The following CORO7 variants were observed in gnomAD, a reference collection of about 807,000 sequenced individuals.
CORO7 encodes coronin-7.
A neutral mutation model predicts 126.6 loss-of-function variants in CORO7; 107 were observed. The observed-to-expected ratio is 0.85, with a 90% CI of 0.72 to 0.99. CORO7 has a LOEUF of 0.99. Among genes scored for constraint, CORO7 ranks in the 50% least tolerant of loss-of-function variants. CORO7 has a pLI of 0.00. For synonymous variants in CORO7, 603 were observed against 536.8 expected (o/e 1.12, Z -1.70); for missense variants, 1,314 against 1,255.8 (o/e 1.05, Z -0.70).
In CORO7 at chr16:4,413,305, TACCAGGACGG is replaced by T; in HGVS notation, c.150_157+2del. 1 of 1,572,110 alleles carries T rather than the reference TACCAGGACGG, an allele frequency of 6.4e-7. No individual in the cohort carries two copies. The highest frequency in any genetic ancestry group is 1.2e-5 in the South Asian group (1 of 85,816). ...AATATCCACACTCATGGCCATTCCC[TACCAGGACGG>T]TCGGAGTTGAAGGCGATCAAGCTGC... On this transcript the variant is annotated splice_donor_variant and coding_sequence_variant, in exon 2 of 28. Transcript: ENST00000251166. LOFTEE classifies it high-confidence loss of function.
chr16:4,411,510 C>T (rs200058954), intron 3 of CORO7, among the ~76,000 whole-genome samples: 132 of 152,016 alleles, frequency 8.7e-4, no homozygotes, highest in East Asian at 5.2e-3. Flanking sequence ...GAGACCAGCC[C>T]GGGCAATATA....
chr16:4,361,782 C>T, intron 16 of CORO7: 1 of 934,174 alleles, frequency 1.1e-6, no homozygotes, highest in Non-Finnish European at 1.7e-6. Context: ...CACTAAACCT[C>T]TCTGTGCCTC....
chr16:4,360,855 C>G (rs545853268), intron 19 of CORO7, 88 bp downstream of exon 19: 2 of 1,519,814 alleles, frequency 1.3e-6, no homozygotes, highest in Admixed American at 1.9e-5. Context: ...CACTGCTGGC[C>G]CCGCCACTCC....
At chr16:4,393,818 T>C (rs2055481119) in intron 7 of CORO7, among the ~76,000 whole-genome samples, 1 of 152,192 alleles carries the variant, frequency 6.6e-6, no homozygotes, top group Non-Finnish European at 1.5e-5. Flanking sequence ...TGTAAATCCA[T>C]GGCCAGGAGC....
chr16:4,415,781 CT>C, intron 1 of CORO7: 2 of 985,690 alleles, frequency 2.0e-6, no homozygotes, highest in Non-Finnish European at 2.4e-6. Context: ...ATCAGTCCTC[CT>C]GCCGTTTCGG....
intron 1 of CORO7, among the ~76,000 whole-genome samples, chr16:4,414,918 G>A (rs546543182): frequency 1.4e-4 from 22 of 152,170 alleles, no homozygotes; most frequent in African/African-American, 5.3e-4. Context: ...CTGGTGTGTA[G>A]TGGCACAATC....
At chr16:4,378,206 C>A (rs562084290) in intron 9 of CORO7, among the ~76,000 whole-genome samples, 15 of 152,312 alleles carry the variant, frequency 9.8e-5, no homozygotes, top group Non-Finnish European at 1.9e-4. Context: ...GATGAAGAAA[C>A]CGAGGTGTGA....
At chr16:4,378,915 G>A (rs747326808) in intron 9 of CORO7, among the ~76,000 whole-genome samples, 2 of 152,034 alleles carry the variant, frequency 1.3e-5, no homozygotes, top group Admixed American at 6.5e-5. Flanking sequence ...TAGGGGAGAC[G>A]ACTCTGGCAG....
chr16:4,363,442 C>T (rs978260794), intron 14 of CORO7, among the ~76,000 whole-genome samples: 3 of 151,876 alleles, frequency 2.0e-5, no homozygotes, highest in Non-Finnish European at 2.9e-5. Context: ...CGTGGTGGTG[C>T]GCGCCTGTAA....
At chr16:4,374,268 A>G (rs2054636784) in intron 9 of CORO7, among the ~76,000 whole-genome samples, 1 of 151,978 alleles carries the variant, frequency 6.6e-6, no homozygotes, top group African/African-American at 2.4e-5. Flanking sequence ...ATCGGTTTCC[A>G]CATTCCAGAG....
At chr16:4,406,407 C>T (rs1363964084) in intron 5 of CORO7, among the ~76,000 whole-genome samples, 1 of 152,146 alleles carries the variant, frequency 6.6e-6, no homozygotes, top group Non-Finnish European at 1.5e-5. Flanking sequence ...GTAATCCTCC[C>T]ACCTCAGCCT....
intron 26 of CORO7, chr16:4,356,357 A>G (rs2053977737): frequency 6.6e-6 from 1 of 152,238 alleles, no homozygotes; most frequent in Non-Finnish European, 1.5e-5. Context: ...GGTCTCCCAA[A>G]GTGCTGGGAT....
chr16:4,362,582 AG>A lies in CORO7; in HGVS notation c.1402+29del, dbSNP rs368645484. 5.5e-5 allele frequency: 84 copies of A among 1,526,264 alleles called. No individual in the cohort carries two copies. In the African/African-American group the frequency reaches 1.1e-3, roughly 20 times the overall value. The allele number at this position is 1,526,264 out of a possible 1,614,324, so 94.5% of individuals were successfully genotyped here. A position where few individuals can be genotyped will look rare whatever the true frequency, so the allele number is the denominator to read the frequency against. On this transcript the variant is annotated intron_variant, in intron 15 of 27. Coordinates refer to ENST00000251166, the MANE Select transcript of CORO7 (RefSeq NM_024535.5). This position sits in a 1 kb window ranked among gnomAD's most constrained non-coding sequence, Gnocchi z 5.3. ...GTGGGGCAGACAGGGCTCCTGCGGT[AG>A]GGGTGAGCTCCCCGTCCTGCCTCCT...
intron 9 of CORO7, among the ~76,000 whole-genome samples, chr16:4,370,615 C>T (rs2054490305): frequency 6.6e-6 from 1 of 152,242 alleles, no homozygotes; most frequent in Non-Finnish European, 1.5e-5. Flanking sequence ...TTGTGGAGCC[C>T]TGCCAGCCCT....
intron 23 of CORO7, chr16:4,358,809 G>C: frequency 3.0e-6 from 1 of 334,898 alleles, no homozygotes; most frequent in Non-Finnish European, 5.4e-6. Context: ...AGAAACATGT[G>C]ACCTCAGCAC....
chr16:4,366,535 C>CTT (rs544549233), intron 9 of CORO7, among the ~76,000 whole-genome samples: 6,441 of 114,270 alleles, frequency 0.056, 396 homozygotes, highest in African/African-American at 0.14. Context: ...CTGATCTTTG[C>CTT]TTTTTTTTTT....
rs1025044240 is a variant in CORO7 at position 4,413,331 on chromosome 16, A to G, written c.134T>C (p.Ile45Thr). 6.3e-7 allele frequency: 1 copy of G among 1,584,256 alleles called. No individual in the cohort carries two copies. Among genetic ancestry groups the G allele is most frequent in the Non-Finnish European group, 8.6e-7 (1 of 1,164,086 alleles). ...ACCAGGACGGTCGGAGTTGAAGGCG[A>G]TCAAGCTGCAGCTTGATTTGATGTG... ...RNHIKSSCSL[I>T]AFNSDRPGVL... The change falls in exon 2 of 28, where the codon ATC becomes ACC. Residue 45 changes from isoleucine (I) to threonine (T), a missense_variant. Coordinates refer to ENST00000251166, the MANE Select transcript of CORO7 (RefSeq NM_024535.5).
chr16:4,412,557 A>G (rs1307638431), intron 2 of CORO7, 127 bp from the exon 3 acceptor site: 1 of 940,404 alleles, frequency 1.1e-6, no homozygotes. Context: ...ACCAATCACA[A>G]GATCATATCC....
intron 23 of CORO7, chr16:4,358,729 C>T: frequency 7.1e-6 from 3 of 424,392 alleles, no homozygotes; most frequent in Non-Finnish European, 8.4e-6. Flanking sequence ...CACCTCCACT[C>T]CCTGAATGTG....
Sources: allele counts gnomAD v4.1 joint callset (sites outside exome capture counted in the v4.1 genomes callset), GRCh38; gene constraint gnomAD v4.1.1; non-coding constraint Gnocchi (gnomAD v3.1); transcripts MANE v1.5; gene names NCBI Gene and HGNC (gene_info 2026-07-23, HGNC 2026-07-21).